The following C10orf67 variants were observed in gnomAD, a reference collection of about 807,000 sequenced individuals.
C10orf67 encodes the protein chromosome 10 open reading frame 67, also known as uncharacterized protein C10orf67, mitochondrial.
Under a neutral mutation model 35.6 loss-of-function variants are expected in C10orf67, and 60 were observed. The observed-to-expected ratio is 1.68, with a 90% CI of 1.37 to 2.09. C10orf67 has a LOEUF of 2.09. C10orf67 is among the 30% of genes most tolerant of loss of function. The pLI is 0.00. For synonymous variants in C10orf67, 167 were observed against 115.8 expected (o/e 1.44, Z -2.84); for missense variants, 474 against 330.2 (o/e 1.44, Z -3.38).
chr10:23,275,297 C>A (rs1377092866), intron 8 of C10orf67, among the ~76,000 whole-genome samples: 2 of 152,166 alleles, frequency 1.3e-5, no homozygotes, highest in African/African-American at 4.8e-5. Flanking sequence ...TCAGCTTATG[C>A]AACCTATCAA....
chr10:23,236,630 C>G (rs1397214795), intron 13 of C10orf67, among the ~76,000 whole-genome samples: 1 of 152,072 alleles, frequency 6.6e-6, no homozygotes, highest in East Asian at 1.9e-4. Context: ...GTAATCCCAG[C>G]CTTTTGGGAG....
intron 2 of C10orf67, among the ~76,000 whole-genome samples, chr10:23,324,298 C>CT (rs1845097052): frequency 3.3e-5 from 5 of 152,130 alleles, no homozygotes; most frequent in South Asian, 4.2e-4. Flanking sequence ...CTTCTCTACT[C>CT]TGAGTGGTCA....
intron 4 of C10orf67, among the ~76,000 whole-genome samples, chr10:23,303,764 C>T (rs79949335): frequency 0.016 from 2,462 of 152,172 alleles, 64 homozygotes; most frequent in African/African-American, 0.057. Context: ...TAGTAAAGAG[C>T]GAGATGGAAG....
intron 4 of C10orf67, among the ~76,000 whole-genome samples, chr10:23,310,439 G>A (rs944115072): frequency 1.1e-4 from 16 of 152,202 alleles, no homozygotes; most frequent in Non-Finnish European, 2.2e-4. Context: ...AGGGAGAAAC[G>A]TTAAGGGAAC....
chr10:23,206,034 A>G (rs1022490629), intron 15 of C10orf67, among the ~76,000 whole-genome samples: 1 of 152,220 alleles, frequency 6.6e-6, no homozygotes, highest in African/African-American at 2.4e-5. Context: ...ATCCCCAATC[A>G]TTTTTTATAC....
At chr10:23,320,242 A>C (rs1043260105) in intron 4 of C10orf67, among the ~76,000 whole-genome samples, 8 of 152,242 alleles carry the variant, frequency 5.3e-5, no homozygotes, top group African/African-American at 1.9e-4. Flanking sequence ...ATGCGAAGTG[A>C]GAATATAGTT....
intron 2 of C10orf67, among the ~76,000 whole-genome samples, chr10:23,332,117 T>C (rs1484168462): frequency 6.6e-6 from 1 of 152,204 alleles, no homozygotes; most frequent in Non-Finnish European, 1.5e-5. Context: ...ATGTGCAGGA[T>C]TATTCATCAC....
At position 23,250,791 on chromosome 10, in the gene C10orf67, C is replaced by G. The variant is rs149994886; in HGVS notation, c.1201-100G>C. 17 of 396,254 alleles carry G rather than the reference C, an allele frequency of 4.3e-5. No individual in the cohort carries two copies. In the East Asian group the frequency reaches 5.7e-4, roughly 13 times the overall value. The allele number at this position is 396,254 out of a possible 1,614,324, so 24.5% of individuals were successfully genotyped here. A position where few individuals can be genotyped will look rare whatever the true frequency, so the allele number is the denominator to read the frequency against. ...TATTTCTATAAATAGTATGCATACT[C>G]TAACTACTATCAAACATAATTTGAG... On this transcript the variant is annotated intron_variant, in intron 10 of 15. Coordinates refer to ENST00000636213, the MANE Select transcript of C10orf67 (RefSeq NM_001371909.1).
At chr10:23,225,369 G>T (rs1239094905) in intron 13 of C10orf67, among the ~76,000 whole-genome samples, 3 of 152,142 alleles carry the variant, frequency 2.0e-5, no homozygotes, top group Non-Finnish European at 4.4e-5. Context: ...CCTGAAGGAA[G>T]TGCTAAACAT....
At chr10:23,305,200 C>T (rs1400013908) in intron 4 of C10orf67, among the ~76,000 whole-genome samples, 1 of 151,860 alleles carries the variant, frequency 6.6e-6, no homozygotes, top group Non-Finnish European at 1.5e-5. Flanking sequence ...TAACTGACTC[C>T]AAAAAAATGG....
intron 15 of C10orf67, among the ~76,000 whole-genome samples, chr10:23,220,446 T>C (rs1326600230): frequency 6.6e-6 from 1 of 152,190 alleles, no homozygotes; most frequent in Non-Finnish European, 1.5e-5. Context: ...AGTGAGTAAG[T>C]AGTCACCTGA....
chr10:23,302,805 A>G (rs902456241), intron 5 of C10orf67, among the ~76,000 whole-genome samples: 1 of 152,202 alleles, frequency 6.6e-6, no homozygotes, highest in African/African-American at 2.4e-5. Flanking sequence ...CCAGTAAAGC[A>G]GCTCCTGGCT....
intron 2 of C10orf67, among the ~76,000 whole-genome samples, chr10:23,325,681 T>TGA (rs1554816959): frequency 6.9e-6 from 1 of 145,036 alleles, no homozygotes; most frequent in Non-Finnish European, 1.5e-5. Flanking sequence ...ATTATATATA[T>TGA]AAAAAAAAAA....
intron 1 of C10orf67, chr10:23,343,952 T>C (rs1264937668): frequency 2.1e-6 from 1 of 466,042 alleles, no homozygotes. Context: ...AGGCCCTCCA[T>C]GATCTTCCGG....
At chr10:23,315,727 C>G (rs1844679628) in intron 4 of C10orf67, among the ~76,000 whole-genome samples, 1 of 152,188 alleles carries the variant, frequency 6.6e-6, no homozygotes, top group South Asian at 2.1e-4. Flanking sequence ...AGGCATGAGC[C>G]TGGCCAAAAG....
Position 23,344,762 on chromosome 10 carries a change from G to C in C10orf67, c.13C>G (p.Arg5Gly). MALV[R>G]DRRAHYVMSI... Reference sequence around the variant, plus strand: ...ATGACATAATGAGCCCTGCGATCCCGGACCAAGGCCATCATAAGAGGAGAG... The same window carrying C: ...ATGACATAATGAGCCCTGCGATCCCCGACCAAGGCCATCATAAGAGGAGAG... Residue 5 changes from arginine to glycine, a missense_variant, in exon 1 of 16, where the codon CGG becomes GGG. Coordinates refer to ENST00000636213, the MANE Select transcript of C10orf67 (RefSeq NM_001371909.1). 1.3e-6 allele frequency: 2 copies of C among 1,563,202 alleles called. No individual in the cohort carries two copies. Among genetic ancestry groups the C allele is most frequent in the Non-Finnish European group, 1.7e-6 (2 of 1,154,002 alleles).
intron 8 of C10orf67, among the ~76,000 whole-genome samples, chr10:23,271,072 G>T (rs1344798378): frequency 6.6e-6 from 1 of 151,626 alleles, no homozygotes; most frequent in Non-Finnish European, 1.5e-5. Flanking sequence ...AAAGGGAGGA[G>T]GGAGAAATTT....
chr10:23,255,106 G>A (rs147949929), intron 10 of C10orf67, among the ~76,000 whole-genome samples: 7 of 152,260 alleles, frequency 4.6e-5, no homozygotes, highest in African/African-American at 1.7e-4. Context: ...GCCAGGGAGA[G>A]GAGGGGCTAA....
chr10:23,210,051 A>C (rs924992554), intron 15 of C10orf67, among the ~76,000 whole-genome samples: 1 of 152,028 alleles, frequency 6.6e-6, no homozygotes, highest in Non-Finnish European at 1.5e-5. Context: ...GCAGTAACAA[A>C]ATCCTGGGGT....
Sources: allele counts gnomAD v4.1 joint callset (sites outside exome capture counted in the v4.1 genomes callset), GRCh38; gene constraint gnomAD v4.1.1; transcripts MANE v1.5; gene names NCBI Gene and HGNC (gene_info 2026-07-23, HGNC 2026-07-21).